Variants in XIRP2 observed in about 807,000 individuals in gnomAD.
XIRP2 encodes xin actin-binding repeat-containing protein 2.
In XIRP2, 236 loss-of-function variants were observed where a neutral mutation model predicts 277.0. The ratio of observed to expected loss-of-function variants is 0.85; its 90% CI spans 0.77 to 0.95. The LOEUF (loss-of-function observed/expected upper bound fraction) is 0.95, where lower values mean the gene tolerates loss of function less well. XIRP2 is among the 40% of genes least tolerant of loss of function. The pLI is 0.00. For synonymous variants in XIRP2, 1,490 were observed against 1,416.5 expected (o/e 1.05, Z -1.17); for missense variants, 4,640 against 4,157.5 (o/e 1.12, Z -3.19).
chr2:167,256,673 G>C (rs963806662), intron 10 of XIRP2, among the ~76,000 whole-genome samples: 1 of 151,606 alleles, frequency 6.6e-6, no homozygotes, highest in African/African-American at 2.4e-5. Flanking sequence ...TATTTACCTT[G>C]GTACATTTCT....
At position 167,206,802 on chromosome 2, in the gene XIRP2, G is replaced by A. The variant is rs188687329; in HGVS notation, c.563-3933G>A. 2.9e-4 allele frequency among the ~76,000 whole-genome samples: 44 copies of A among 152,202 alleles called. No individual in the cohort carries two copies. The East Asian group carries it at 7.5e-3, about 26-fold the overall frequency. On this transcript the variant is annotated intron_variant, in intron 3 of 10. Coordinates refer to ENST00000409195, the MANE Select transcript of XIRP2 (RefSeq NM_152381.6). ...CGTCATCCTTTCCATAAGACTGTCC[G>A]CAACTACAATTTAAGAATGTATCTC...
At chr2:167,253,637 T>C (rs1695577247) in intron 9 of XIRP2, among the ~76,000 whole-genome samples, 1 of 151,768 alleles carries the variant, frequency 6.6e-6, no homozygotes. Flanking sequence ...CTCAATTACC[T>C]ACAATGATAA....
At chr2:167,129,114 AAC>A (rs1234152624) in intron 2 of XIRP2, among the ~76,000 whole-genome samples, 2 of 152,316 alleles carry the variant, frequency 1.3e-5, no homozygotes, top group East Asian at 3.9e-4. Flanking sequence ...ATGGGACAGT[AAC>A]ACAGCAGAAT....
At chr2:167,154,391 G>T (rs557754405) in intron 3 of XIRP2, among the ~76,000 whole-genome samples, 1 of 151,346 alleles carries the variant, frequency 6.6e-6, no homozygotes, top group Admixed American at 6.6e-5. Context: ...TTCTTTTGCT[G>T]TGCAGAAGCT....
rs560127883 is a variant in XIRP2, at chr2:167,013,333, AGG to A, written c.408+109444_408+109445del. ...ATATTATTTTTAATGTAGAGCACAT[AGG>A]AAAAAAACAATTCTAGACTGAAAAA... is the stretch of plus-strand genomic sequence containing the variant. On this transcript the variant is annotated intron_variant, in intron 2 of 10. Coordinates refer to ENST00000409195, the MANE Select transcript of XIRP2 (RefSeq NM_152381.6). Among the ~76,000 whole-genome samples the A allele has an allele frequency of 4.0e-5, 6 of 151,556 alleles. No individual in the cohort carries two copies. In the South Asian group the frequency reaches 1.2e-3, roughly 31 times the overall value.
At chr2:167,199,665 G>C (rs2105375211) in intron 3 of XIRP2, among the ~76,000 whole-genome samples, 1 of 152,260 alleles carries the variant, frequency 6.6e-6, no homozygotes. Flanking sequence ...TCAGAGGCAC[G>C]CACACTTTCT....
chr2:167,000,347 T>C (rs993762873), intron 2 of XIRP2, among the ~76,000 whole-genome samples: 1 of 152,122 alleles, frequency 6.6e-6, no homozygotes, highest in Admixed American at 6.6e-5. Flanking sequence ...TGCTTGTTTT[T>C]ATTTGTTGAA....
At chr2:167,101,444 A>G (rs751290756) in intron 2 of XIRP2, among the ~76,000 whole-genome samples, 3 of 152,138 alleles carry the variant, frequency 2.0e-5, no homozygotes, top group South Asian at 2.1e-4. Context: ...ACTGTACCCA[A>G]TTTGTAGCCT....
intron 3 of XIRP2, among the ~76,000 whole-genome samples, chr2:167,206,713 C>G (rs547891143): frequency 6.6e-6 from 1 of 152,242 alleles, no homozygotes; most frequent in East Asian, 1.9e-4. Flanking sequence ...AATGTTTAAG[C>G]CACTTTTAAA....
intron 2 of XIRP2, among the ~76,000 whole-genome samples, chr2:166,980,249 G>T (rs1280667699): frequency 6.6e-6 from 1 of 151,856 alleles, no homozygotes; most frequent in East Asian, 1.9e-4. Flanking sequence ...ATTACTCTAA[G>T]AGTTTTTATA....
At chr2:167,106,124 C>T (rs1367482474) in intron 2 of XIRP2, among the ~76,000 whole-genome samples, 1 of 151,576 alleles carries the variant, frequency 6.6e-6, no homozygotes, top group Non-Finnish European at 1.5e-5. Context: ...TTTGCTGCTC[C>T]TCTTTTTGTC....
intron 5 of XIRP2, among the ~76,000 whole-genome samples, chr2:167,224,548 G>T (rs1397010972): frequency 6.6e-6 from 1 of 151,914 alleles, no homozygotes; most frequent in Non-Finnish European, 1.5e-5. Flanking sequence ...GCCCAGGCTG[G>T]CAATTGCATT....
intron 2 of XIRP2, among the ~76,000 whole-genome samples, chr2:166,915,432 TAC>T (rs1684843431): frequency 1.3e-5 from 2 of 152,020 alleles, no homozygotes; most frequent in Admixed American, 1.3e-4. Context: ...GAAGAATGTA[TAC>T]AGTTTTTAAA....
In XIRP2 at chr2:167,251,958, T is replaced by A. The variant is rs188633712; in HGVS notation, c.10555+11T>A. On this transcript the variant is annotated intron_variant, in intron 9 of 10. Coordinates refer to ENST00000409195, the MANE Select transcript of XIRP2 (RefSeq NM_152381.6). ...CTGCATTTATAAGTGGTAAATGAGC[T>A]TGCAATGTGTTAAAGAAGATTAACC... 1 of 1,533,868 alleles carries A rather than the reference T, an allele frequency of 6.5e-7. No individual in the cohort carries two copies. The highest frequency in any genetic ancestry group is 2.2e-5 in the East Asian group (1 of 44,466).
intron 2 of XIRP2, among the ~76,000 whole-genome samples, chr2:166,929,425 A>G (rs536469581): frequency 6.6e-6 from 1 of 152,240 alleles, no homozygotes; most frequent in East Asian, 1.9e-4. Flanking sequence ...TGTCCTTCCA[A>G]GATACCTCTG....
At chr2:166,906,422 C>T (rs1488812791) in intron 2 of XIRP2, among the ~76,000 whole-genome samples, 3 of 151,928 alleles carry the variant, frequency 2.0e-5, no homozygotes, top group African/African-American at 7.2e-5. Context: ...TATAACTATA[C>T]ATTTTAATGT....
chr2:167,024,077 C>A (rs1574175021), intron 2 of XIRP2, among the ~76,000 whole-genome samples: 1 of 151,690 alleles, frequency 6.6e-6, no homozygotes, highest in East Asian at 2.0e-4. Flanking sequence ...ATTGATTCTT[C>A]CTACCCATGA....
rs201964938 is a variant in XIRP2 at position 166,903,729 on chromosome 2, A to G, written c.247A>G (p.Lys83Glu). ...GCCGGAAGAGAAGGATTCTGTGGAC[A>G]AGAGTAACAACACCAGGGAATATGG... Reference protein sequence around the residue: ...SKPEEKDSVDKSNNTREYGRP... With the variant: ...SKPEEKDSVDESNNTREYGRP... Residue 83 changes from lysine (K) to glutamate (E), a missense_variant, in exon 2 of 11, where the codon AAG becomes GAG. Coordinates refer to ENST00000409195, the MANE Select transcript of XIRP2 (RefSeq NM_152381.6). 7 of 1,613,670 alleles carry G rather than the reference A, an allele frequency of 4.3e-6. No individual in the cohort carries two copies. Among genetic ancestry groups the G allele is most frequent in the Admixed American group, 1.7e-5 (1 of 59,908 alleles).
intron 2 of XIRP2, among the ~76,000 whole-genome samples, chr2:166,967,972 T>C (rs1000895444): frequency 1.3e-4 from 19 of 151,998 alleles, no homozygotes; most frequent in African/African-American, 4.6e-4. Context: ...GTTTATGTTT[T>C]AAGAAAATCT....
Sources: allele counts gnomAD v4.1 joint callset (sites outside exome capture counted in the v4.1 genomes callset), GRCh38; gene constraint gnomAD v4.1.1; transcripts MANE v1.5; gene names NCBI Gene and HGNC (gene_info 2026-07-23, HGNC 2026-07-21).